The following SEC23A variants were observed in gnomAD, a reference collection of about 807,000 sequenced individuals.
The protein encoded by SEC23A is protein transport protein Sec23A.
A neutral mutation model predicts 103.7 loss-of-function variants in SEC23A; 56 were observed. The ratio of observed to expected loss-of-function variants is 0.54; its 90% CI spans 0.44 to 0.67. The LOEUF is 0.67. Ranked by LOEUF, SEC23A falls within the 30% of genes least tolerant of loss-of-function variation. The pLI is 0.00. For synonymous variants in SEC23A, 281 were observed against 293.0 expected (o/e 0.96, Z 0.42); for missense variants, 784 against 936.4 (o/e 0.84, Z 2.12).
chr14:39,093,251 T>A lies in SEC23A; in HGVS notation c.222-7A>T, dbSNP rs538094852. 15 of 1,593,420 alleles carry A rather than the reference T, an allele frequency of 9.4e-6. No homozygotes were observed. The highest frequency in any genetic ancestry group is 6.8e-5 in the African/African-American group (5 of 73,744). On this transcript the variant is annotated splice_polypyrimidine_tract_variant and splice_region_variant and intron_variant, in intron 2 of 19. Transcript: ENST00000307712. The stretch of plus-strand genomic sequence containing the variant: ...TGCTCGATAATCCACTTGACTGTTT[T>A]AAAAAAAAAGAAAAGACATATCAGT...
intron 5 of SEC23A, among the ~76,000 whole-genome samples, chr14:39,089,340 A>C (rs902996761): frequency 6.6e-6 from 1 of 152,142 alleles, no homozygotes; most frequent in Non-Finnish European, 1.5e-5. Context: ...AATTCTCATG[A>C]CTACACTATA....
At position 39,095,962 on chromosome 14, in the gene SEC23A, G is replaced by A. The variant is rs1887873101; in HGVS notation, c.157C>T (p.Pro53Ser). The A allele has an allele frequency of 1.2e-6, 2 of 1,614,130 alleles. No homozygotes were observed. Among genetic ancestry groups the A allele is most frequent in the Non-Finnish European group, 1.7e-6 (2 of 1,180,006 alleles). ...CACAGAACAGGTTCATATTGAATAG[G>A]TGGTAAGTCAGGTCTCTCTTTCAGT... The part of the protein sequence containing the change: ...TPLKERPDLP[P>S]IQYEPVLCSR... The change falls in exon 2 of 20, where the codon CCT becomes TCT. Residue 53 changes from proline (P) to serine (S), a missense_variant. By Grantham distance (74) the Pro-to-Ser change is moderately conservative (BLOSUM62 -1). This residue lies in a region of SEC23A where 683 missense variants were observed against 774.2 expected (regional missense o/e 0.88). Coordinates refer to ENST00000307712, the MANE Select transcript of SEC23A (RefSeq NM_006364.4).
At chr14:39,085,680 AATT>A (rs762612536) in intron 7 of SEC23A, 79 bp downstream of exon 7, 9 of 1,461,846 alleles carry the variant, frequency 6.2e-6, no homozygotes, top group Non-Finnish European at 8.5e-6. Flanking sequence ...TTATCCTTAT[AATT>A]ATATATACAC....
rs1473431204 is a variant in SEC23A, at chr14:39,039,037, C to A, written c.2202G>T (p.Trp734Cys). 2 of 1,612,568 alleles carry A rather than the reference C, an allele frequency of 1.2e-6. No homozygotes were observed. Among genetic ancestry groups the A allele is most frequent in the Admixed American group, 1.7e-5 (1 of 60,008 alleles). The change falls in exon 19 of 20, where the codon TGG becomes TGT. Residue 734 changes from tryptophan to cysteine, a missense_variant. Physicochemically the swap from Trp to Cys is radical, Grantham distance 215. Around this residue, in one of 2 missense-constraint regions of SEC23A, gnomAD observed 101 missense variants for 162.2 expected, o/e 0.62. Transcript: ENST00000307712. ...PSQTHNNMYA[W>C]GQESGAPILT... ...ACCTGCTATTTAAACTTACCTGCCC[C>A]CAGGCATACATATTATTATGAGTCT... is the stretch of plus-strand genomic sequence containing the variant.
intron 12 of SEC23A, among the ~76,000 whole-genome samples, 189 bp downstream of exon 12, chr14:39,063,135 C>T (rs1051561978): frequency 1.8e-4 from 28 of 152,082 alleles, no homozygotes; most frequent in African/African-American, 6.8e-4. Context: ...ATTTCTATTA[C>T]AATATGTACT....
chr14:39,101,636 AC>A (rs1341101432), intron 1 of SEC23A, among the ~76,000 whole-genome samples: 19 of 151,846 alleles, frequency 1.3e-4, no homozygotes, highest in African/African-American at 4.4e-4. Flanking sequence ...AAAAAAAAAA[AC>A]AAAAAAGACT....
intron 8 of SEC23A, among the ~76,000 whole-genome samples, chr14:39,074,882 C>A (rs1333322675): frequency 6.6e-6 from 1 of 151,966 alleles, no homozygotes; most frequent in African/African-American, 2.4e-5. Flanking sequence ...CCGAGGCAGG[C>A]AGATCATGAG....
chr14:39,064,703 A>G (rs2139231521), intron 11 of SEC23A: 1 of 558,252 alleles, frequency 1.8e-6, no homozygotes, highest in Non-Finnish European at 3.2e-6. Context: ...CCAAGTTTTT[A>G]TTGGTGCTGT....
Position 39,033,072 on chromosome 14 carries a change from C to G in SEC23A, c.*167G>C, listed in dbSNP as rs114193369. The G allele has an allele frequency of 1.6e-6, 1 of 623,420 alleles. No individual in the cohort carries two copies. Among genetic ancestry groups the G allele is most frequent in the African/African-American group, 1.8e-5 (1 of 54,066 alleles). The allele number at this position is 623,420 out of a possible 1,614,324, so 38.6% of individuals were successfully genotyped here. A position where few individuals can be genotyped will look rare whatever the true frequency, so the allele number is the denominator to read the frequency against. On this transcript the variant is annotated 3_prime_UTR_variant, in exon 20 of 20. Coordinates refer to ENST00000307712, the MANE Select transcript of SEC23A (RefSeq NM_006364.4). ...TGTTCTTATTGCTCTCATTATAATT[C>G]CAGCTTAATCTACAAATGTGAACAT...
intron 14 of SEC23A, among the ~76,000 whole-genome samples, chr14:39,053,462 G>T (rs1041042736): frequency 6.6e-6 from 1 of 150,732 alleles, no homozygotes; most frequent in Non-Finnish European, 1.5e-5. Context: ...GTTGGCATTT[G>T]TTCTAATAGT....
intron 14 of SEC23A, among the ~76,000 whole-genome samples, chr14:39,052,496 A>C (rs1377486142): frequency 6.6e-6 from 1 of 152,220 alleles, no homozygotes; most frequent in African/African-American, 2.4e-5. Flanking sequence ...TTTACAAGGA[A>C]AATCAGTAGG....
rs571879548 is a variant in SEC23A, at chr14:39,045,376, G to A, written c.1738-52C>T. The stretch of plus-strand genomic sequence containing the variant: ...GTTACTGATTTTAATATTAAAACAG[G>A]TGTTTACTATTAGCAAAAATATTTG... On this transcript the variant is annotated intron_variant, in intron 15 of 19. Transcript: ENST00000307712. 9.1e-4 allele frequency: 1,268 copies of A among 1,399,238 alleles called. 16 individuals are homozygous for A. The South Asian group carries it at 0.014, about 16-fold the overall frequency. The allele number at this position is 1,399,238 out of a possible 1,614,324, so 86.7% of individuals were successfully genotyped here.
At chr14:39,099,165 T>TG (rs1215286161) in intron 1 of SEC23A, among the ~76,000 whole-genome samples, 1 of 144,582 alleles carries the variant, frequency 6.9e-6, no homozygotes, top group African/African-American at 2.5e-5. Flanking sequence ...TTTTTTTTTT[T>TG]TTTTTTTTTT....
chr14:39,089,404 A>G (rs1444363514), intron 5 of SEC23A, among the ~76,000 whole-genome samples: 1 of 152,162 alleles, frequency 6.6e-6, no homozygotes. Flanking sequence ...TAAAGCACAG[A>G]GATTTCAACT....
chr14:39,078,236 C>CTT (rs1887106852), intron 7 of SEC23A, among the ~76,000 whole-genome samples: 1 of 151,508 alleles, frequency 6.6e-6, no homozygotes, highest in East Asian at 1.9e-4. Flanking sequence ...GCCTAGGCAA[C>CTT]AGAACTAGAC....
chr14:39,052,208 A>G (rs1023605510), intron 14 of SEC23A, among the ~76,000 whole-genome samples: 7 of 152,108 alleles, frequency 4.6e-5, no homozygotes, highest in East Asian at 1.9e-4. Context: ...ATGCTGGCCT[A>G]TAATACCTGG....
intron 7 of SEC23A, among the ~76,000 whole-genome samples, chr14:39,077,568 CAAAGAT>C (rs1053195747): frequency 2.0e-5 from 3 of 150,712 alleles, no homozygotes; most frequent in Admixed American, 6.6e-5. Context: ...GAAAGAGAGA[CAAAGAT>C]AGAGAGAGAG....
intron 13 of SEC23A, among the ~76,000 whole-genome samples, chr14:39,060,825 T>C (rs1247141566): frequency 6.6e-6 from 1 of 152,208 alleles, no homozygotes; most frequent in African/African-American, 2.4e-5. Flanking sequence ...AAGATAGGAA[T>C]AAGAAAAGGT....
intron 14 of SEC23A, among the ~76,000 whole-genome samples, chr14:39,050,695 G>T (rs1452494548): frequency 6.6e-6 from 1 of 152,184 alleles, no homozygotes; most frequent in Non-Finnish European, 1.5e-5. Context: ...GCACAGGCCT[G>T]TAGTTCCTGC....
Sources: gnomAD v4.1 joint callset for allele counts (sites outside exome capture counted in the v4.1 genomes callset) on GRCh38, gnomAD v4.1.1 for gene constraint, gnomAD v4.1.1 regional missense constraint, MANE v1.5 for transcripts, NCBI Gene and HGNC (gene_info 2026-07-23, HGNC 2026-07-21) for gene names.